Variants in LAMA3 observed in about 807,000 individuals in gnomAD.
LAMA3 encodes the protein laminin subunit alpha 3.
A neutral mutation model predicts 402.0 loss-of-function variants in LAMA3; 281 were observed. The ratio of observed to expected loss-of-function variants is 0.70; its 90% confidence interval spans 0.63 to 0.77. LAMA3 has a LOEUF of 0.77. Among genes scored for constraint, LAMA3 ranks in the 30% least tolerant of loss-of-function variants. The pLI is 0.00. For missense variants in LAMA3, 3,840 were observed against 4,215.5 expected (o/e 0.91, Z 2.47); for synonymous variants, 1,431 against 1,558.4 (o/e 0.92, Z 1.93).
intron 23 of LAMA3, among the ~76,000 whole-genome samples, chr18:23,828,090 T>TACACAAC (rs1427367281): frequency 2.0e-5 from 3 of 152,200 alleles, no homozygotes; most frequent in Non-Finnish European, 4.4e-5. Flanking sequence ...ACAATAAGAA[T>TACACAAC]ACACAACACT....
At chr18:23,716,831 A>G (rs568528279) in intron 2 of LAMA3, among the ~76,000 whole-genome samples, 100 of 152,284 alleles carry the variant, frequency 6.6e-4, no homozygotes, top group African/African-American at 2.4e-3. Flanking sequence ...GGCCTTAACA[A>G]ATATATTTTT....
At position 23,903,055 on chromosome 18, in the gene LAMA3, A is replaced by T. The variant is rs752416501; in HGVS notation, c.6248A>T (p.Tyr2083Phe). ...TCCCTGCAGAGTGATTTCACCAAGT[A>T]TCTAACCACTGCAGACTCATCTTTG... Reference protein sequence around the residue: ...INSLQSDFTKYLTTADSSLLQ... With the variant: ...INSLQSDFTKFLTTADSSLLQ... The change falls in exon 49 of 75, where the codon TAT becomes TTT. Residue 2083 changes from tyrosine (Y) to phenylalanine (F), a missense_variant. Physicochemically the swap from Tyr to Phe is conservative, Grantham distance 22 (BLOSUM62 3). This residue lies in a region of LAMA3 where 891 missense variants were observed against 857.5 expected (regional missense o/e 1.04). Transcript: ENST00000313654. 6.2e-7 allele frequency: 1 copy of T among 1,613,092 alleles called. No individual in the cohort carries two copies. The highest frequency in any genetic ancestry group is 8.5e-7 in the Non-Finnish European group (1 of 1,179,146).
chr18:23,743,223 T>C (rs1268403455), intron 2 of LAMA3, among the ~76,000 whole-genome samples: 3 of 152,228 alleles, frequency 2.0e-5, no homozygotes, highest in Non-Finnish European at 4.4e-5. Context: ...TATGAGCAAA[T>C]AAATGAAATC....
intron 12 of LAMA3, among the ~76,000 whole-genome samples, chr18:23,804,216 A>C (rs577548878): frequency 8.5e-5 from 13 of 152,296 alleles, no homozygotes; most frequent in African/African-American, 2.6e-4. Context: ...AAGGGTCTGC[A>C]CTGTCGTTCA....
chr18:23,691,912 GAA>G (rs1340045822), intron 1 of LAMA3, among the ~76,000 whole-genome samples: 4 of 152,154 alleles, frequency 2.6e-5, no homozygotes, highest in Non-Finnish European at 5.9e-5. Context: ...TGTTATAGCT[GAA>G]AAGATACCTA....
At chr18:23,866,035 G>A (rs1345280151) in intron 36 of LAMA3, among the ~76,000 whole-genome samples, 2 of 152,212 alleles carry the variant, frequency 1.3e-5, no homozygotes, top group Non-Finnish European at 2.9e-5. Flanking sequence ...GTTTCACCAT[G>A]TTGGCCAGGG....
intron 41 of LAMA3, among the ~76,000 whole-genome samples, chr18:23,887,038 A>G (rs1242753077): frequency 1.3e-5 from 2 of 152,234 alleles, no homozygotes; most frequent in Admixed American, 6.5e-5. Context: ...TTTCCATTTC[A>G]GCAAAAGGAG....
At chr18:23,811,969 G>C (rs944028989) in intron 13 of LAMA3, among the ~76,000 whole-genome samples, 1 of 151,970 alleles carries the variant, frequency 6.6e-6, no homozygotes, top group Non-Finnish European at 1.5e-5. Context: ...TGCCTCACGG[G>C]TTCAAGCGAT....
At chr18:23,812,697 T>C (rs1205441419) in intron 13 of LAMA3, among the ~76,000 whole-genome samples, 3 of 152,226 alleles carry the variant, frequency 2.0e-5, no homozygotes, top group Non-Finnish European at 4.4e-5. Flanking sequence ...GAACGTCTTT[T>C]AAATGGGCAA....
At position 23,773,713 on chromosome 18, in the gene LAMA3, C is replaced by T. The variant is rs8094166; in HGVS notation, c.1273+126C>T. 12,352 of 707,726 alleles carry T rather than the reference C, an allele frequency of 0.017. 711 individuals carry two copies. The highest frequency in any genetic ancestry group is 0.14 in the African/African-American group (8,175 of 57,156). 43.8% of individuals were successfully genotyped at this position (707,726 alleles called of 1,614,324 possible). On this transcript the variant is annotated intron_variant, in intron 9 of 74. Coordinates refer to ENST00000313654, the MANE Select transcript of LAMA3 (RefSeq NM_198129.4). ...CTCTCTTCAGAGTATTAGTTGTGCT[C>T]GCTATGTGACCTCAGTCACTTACAC...
intron 70 of LAMA3, among the ~76,000 whole-genome samples, chr18:23,947,986 T>C (rs1163118361): frequency 6.6e-6 from 1 of 152,044 alleles, no homozygotes; most frequent in Non-Finnish European, 1.5e-5. Context: ...TAATTTTTTG[T>C]ATTTTTTAGT....
chr18:23,776,923 C>G (rs1052159434), intron 10 of LAMA3, among the ~76,000 whole-genome samples: 7 of 151,358 alleles, frequency 4.6e-5, no homozygotes, highest in South Asian at 4.2e-4. Context: ...TCACTGCAAC[C>G]TCTGCCTGCC....
intron 8 of LAMA3, among the ~76,000 whole-genome samples, chr18:23,771,930 C>G (rs1046441038): frequency 4.6e-5 from 7 of 152,132 alleles, no homozygotes; most frequent in African/African-American, 1.4e-4. Flanking sequence ...ATGCTCTTAA[C>G]TAAGATTGAA....
At chr18:23,912,942 T>C in intron 56 of LAMA3, 61 bp downstream of exon 56, 1 of 1,471,336 alleles carries the variant, frequency 6.8e-7, no homozygotes, top group Non-Finnish European at 9.4e-7. Flanking sequence ...AGGTGTGCTT[T>C]TGAGATGTGT....
At chr18:23,923,360 G>A (rs953016937) in intron 62 of LAMA3, among the ~76,000 whole-genome samples, 4 of 152,214 alleles carry the variant, frequency 2.6e-5, no homozygotes, top group African/African-American at 9.6e-5. Flanking sequence ...TAACAGAGGT[G>A]AGTGATGAGG....
rs2063727992 is a variant in LAMA3 at position 23,842,615 on chromosome 18, C to T, written c.3468C>T (p.Ser1156=). ...SVDGGWPRAG[S]FHASFCPHVL... ...GTCTCTCTCTCTCTCTGCCAGGCTC[C>T]TTCCATGCCTCTTTTTGCCCCCATG... is the stretch of plus-strand genomic sequence containing the variant. The change falls in exon 29 of 75, where the codon TCC becomes TCT. Residue 1156 remains serine, a synonymous_variant. Coordinates refer to ENST00000313654, the MANE Select transcript of LAMA3 (RefSeq NM_198129.4). 2 of 1,614,228 alleles carry T rather than the reference C, an allele frequency of 1.2e-6. No individual in the cohort carries two copies. Among genetic ancestry groups the T allele is most frequent in the Non-Finnish European group, 1.7e-6 (2 of 1,180,038 alleles).
intron 55 of LAMA3, among the ~76,000 whole-genome samples, chr18:23,910,704 GA>G (rs946603744): frequency 3.3e-5 from 5 of 152,074 alleles, no homozygotes; most frequent in African/African-American, 1.2e-4. Context: ...CACACACAAA[GA>G]TTTTTTTTAA....
intron 12 of LAMA3, among the ~76,000 whole-genome samples, chr18:23,807,097 G>A (rs1195032404): frequency 6.6e-6 from 1 of 152,118 alleles, no homozygotes. Context: ...TTCACTATTG[G>A]AACTAGAGTC....
At chr18:23,736,779 G>A (rs554369238) in intron 2 of LAMA3, among the ~76,000 whole-genome samples, 2 of 152,248 alleles carry the variant, frequency 1.3e-5, no homozygotes, top group African/African-American at 4.8e-5. Context: ...AAGACAAAGG[G>A]ATGAGAGATT....
Sources: gnomAD v4.1 joint callset for allele counts (sites outside exome capture counted in the v4.1 genomes callset) on GRCh38, gnomAD v4.1.1 for gene constraint, gnomAD v4.1.1 regional missense constraint, MANE v1.5 for transcripts, NCBI Gene and HGNC (gene_info 2026-07-23, HGNC 2026-07-21) for gene names.